LRRC8D: variants seen among roughly 807,000 people sequenced by gnomAD.
The protein encoded by LRRC8D is leucine rich repeat containing 8 VRAC subunit D.
Under a neutral mutation model 55.8 loss-of-function variants are expected in LRRC8D, and 20 were observed. That is an observed-to-expected ratio of 0.36 (90% confidence interval 0.25 to 0.52). The LOEUF (loss-of-function observed/expected upper bound fraction) is 0.52. Ranked by LOEUF, LRRC8D falls within the 20% of genes least tolerant of loss-of-function variation. LRRC8D has a pLI of 0.93. For missense variants in LRRC8D, 651 were observed against 1,030.8 expected (o/e 0.63, Z 5.05); for synonymous variants, 352 against 377.0 (o/e 0.93, Z 0.77).
At chr1:89,844,558 C>G (rs549317642) in intron 2 of LRRC8D, among the ~76,000 whole-genome samples, 1 of 152,282 alleles carries the variant, frequency 6.6e-6, no homozygotes, top group South Asian at 2.1e-4. Context: ...TTTATTAATT[C>G]CATTTGTCAT....
intron 2 of LRRC8D, among the ~76,000 whole-genome samples, chr1:89,913,337 T>G (rs1663179556): frequency 6.6e-6 from 1 of 152,210 alleles, no homozygotes; most frequent in Non-Finnish European, 1.5e-5. Context: ...GGGGGCACAC[T>G]TAGTAGTTAT....
chr1:89,880,397 T>C (rs1662252552), intron 2 of LRRC8D, among the ~76,000 whole-genome samples: 1 of 151,960 alleles, frequency 6.6e-6, no homozygotes, highest in African/African-American at 2.4e-5. Flanking sequence ...ACTGTAATAA[T>C]GTGAAATCTC....
At chr1:89,882,853 C>T (rs1210238354) in intron 2 of LRRC8D, among the ~76,000 whole-genome samples, 2 of 152,154 alleles carry the variant, frequency 1.3e-5, no homozygotes, top group Non-Finnish European at 2.9e-5. Context: ...GCATGCCAAA[C>T]ACCAGAAATA....
At chr1:89,843,949 C>T (rs973054752) in intron 2 of LRRC8D, among the ~76,000 whole-genome samples, 167 bp downstream of exon 2, 2 of 152,228 alleles carry the variant, frequency 1.3e-5, no homozygotes, top group African/African-American at 2.4e-5. Flanking sequence ...CTGCTGCCGC[C>T]CTGGGTTCGG....
At chr1:89,840,044 C>T (rs1164905796) in intron 1 of LRRC8D, among the ~76,000 whole-genome samples, 1 of 152,202 alleles carries the variant, frequency 6.6e-6, no homozygotes, top group African/African-American at 2.4e-5. Flanking sequence ...ATGGCTTTCA[C>T]AGTGTTGGTC....
chr1:89,934,208 C>T lies in LRRC8D; in HGVS notation c.1140C>T (p.Cys380=). 6.2e-7 allele frequency: 1 copy of T among 1,614,046 alleles called. No homozygotes were observed. The highest frequency in any genetic ancestry group is 8.5e-7 in the Non-Finnish European group (1 of 1,179,974). ...TTATTTGTGTTTATGGCTTTATCTGCCTCTACACTCTCTTCTGGTTATTCA... is the reference window on the plus strand; with the variant it reads ...TTATTTGTGTTTATGGCTTTATCTGTCTCTACACTCTCTTCTGGTTATTCA... The part of the protein sequence containing the change: ...ISIICVYGFI[C]LYTLFWLFRI... Residue 380 remains cysteine (C), a synonymous_variant, in exon 3 of 3, where the codon TGC becomes TGT. Transcript: ENST00000337338. This position sits in a 1 kb window ranked among gnomAD's most constrained non-coding sequence, Gnocchi z 5.9.
At chr1:89,873,590 G>C (rs575135344) in intron 2 of LRRC8D, among the ~76,000 whole-genome samples, 1 of 152,308 alleles carries the variant, frequency 6.6e-6, no homozygotes, top group East Asian at 1.9e-4. Context: ...TAGAAGAGGG[G>C]TGTTATCATC....
At chr1:89,863,535 T>C (rs554094882) in intron 2 of LRRC8D, among the ~76,000 whole-genome samples, 4 of 151,586 alleles carry the variant, frequency 2.6e-5, no homozygotes, top group African/African-American at 9.7e-5. Flanking sequence ...TTATGCTTCT[T>C]TTTTTTTTCC....
intron 2 of LRRC8D, among the ~76,000 whole-genome samples, chr1:89,857,609 C>T (rs1421929171): frequency 6.6e-6 from 1 of 152,114 alleles, no homozygotes; most frequent in East Asian, 1.9e-4. Flanking sequence ...TCTGCTTCCA[C>T]CTTGAGATAA....
In LRRC8D at chr1:89,906,370, C is replaced by A. The variant is rs1454890793; in HGVS notation, c.-2-26697C>A. Reference sequence around the variant, plus strand: ...TCGAGCATCGCTGTAGAGCCGCTATCATCACTGAAGGGAATTCATCATTAT... The same window carrying A: ...TCGAGCATCGCTGTAGAGCCGCTATAATCACTGAAGGGAATTCATCATTAT... On this transcript the variant is annotated intron_variant, in intron 2 of 2. Coordinates refer to ENST00000337338, the MANE Select transcript of LRRC8D (RefSeq NM_001134479.2). 2.6e-5 allele frequency among the ~76,000 whole-genome samples: 4 copies of A among 152,228 alleles called. No individual in the cohort carries two copies. In the East Asian group the frequency reaches 7.7e-4, roughly 29 times the overall value.
chr1:89,898,650 TTTCTTGTAATAAGTGCTG>T (rs1465144247), intron 2 of LRRC8D, among the ~76,000 whole-genome samples: 2 of 152,210 alleles, frequency 1.3e-5, no homozygotes, highest in Non-Finnish European at 2.9e-5. Flanking sequence ...CCAAAAGAAC[TTTCTTGTAATAAGTGCTG>T]TTCCCGAAAT....
intron 1 of LRRC8D, among the ~76,000 whole-genome samples, chr1:89,825,119 A>G (rs1217279052): frequency 1.3e-5 from 2 of 152,016 alleles, no homozygotes; most frequent in Non-Finnish European, 2.9e-5. Flanking sequence ...TTTTGAATTT[A>G]TGTCTTCTAA....
chr1:89,910,342 A>C (rs1433625335), intron 2 of LRRC8D, among the ~76,000 whole-genome samples: 1 of 152,192 alleles, frequency 6.6e-6, no homozygotes, highest in East Asian at 1.9e-4. Context: ...GTCTCATAGT[A>C]GTTTGTGAGG....
intron 2 of LRRC8D, among the ~76,000 whole-genome samples, chr1:89,856,343 C>G (rs1241538540): frequency 6.6e-6 from 1 of 152,192 alleles, no homozygotes; most frequent in East Asian, 1.9e-4. Flanking sequence ...CTCACACACA[C>G]ACACACTCTC....
intron 2 of LRRC8D, among the ~76,000 whole-genome samples, chr1:89,907,901 T>C (rs530354847): frequency 5.3e-5 from 8 of 152,354 alleles, no homozygotes; most frequent in Admixed American, 5.2e-4. Context: ...AGATGAATCA[T>C]GTTGCCTGGA....
At chr1:89,917,505 T>C (rs749994360) in intron 2 of LRRC8D, among the ~76,000 whole-genome samples, 3 of 152,166 alleles carry the variant, frequency 2.0e-5, no homozygotes, top group Admixed American at 6.5e-5. Context: ...TCTTCAAGCT[T>C]TGGGCACTAG....
At chr1:89,894,066 G>T (rs1662645453) in intron 2 of LRRC8D, among the ~76,000 whole-genome samples, 1 of 152,198 alleles carries the variant, frequency 6.6e-6, no homozygotes, top group African/African-American at 2.4e-5. Flanking sequence ...AGTAATTAGG[G>T]CATGAGGGCT....
At chr1:89,856,594 A>G (rs1036440647) in intron 2 of LRRC8D, among the ~76,000 whole-genome samples, 2 of 152,248 alleles carry the variant, frequency 1.3e-5, no homozygotes, top group Non-Finnish European at 2.9e-5. Flanking sequence ...TTTCACAGAA[A>G]GATAGAAAAT....
chr1:89,845,159 A>G lies in LRRC8D; in HGVS notation c.-3+1377A>G, dbSNP rs542904918. On this transcript the variant is annotated intron_variant, in intron 2 of 2. Transcript: ENST00000337338. ...GTGGGATGCTGACTATAGCATTCTG[A>G]TGCTGAAAATTTTATCATAAAACAT... Among the ~76,000 whole-genome samples the G allele has an allele frequency of 4.5e-4, 68 of 152,350 alleles. 2 individuals carry two copies. The South Asian group carries it at 0.013, about 29-fold the overall frequency.
Sources: allele counts gnomAD v4.1 joint callset (sites outside exome capture counted in the v4.1 genomes callset), GRCh38; gene constraint gnomAD v4.1.1; non-coding constraint Gnocchi (gnomAD v3.1); transcripts MANE v1.5; gene names NCBI Gene and HGNC (gene_info 2026-07-23, HGNC 2026-07-21).